The following CENPU variants were observed in gnomAD, a reference collection of about 807,000 sequenced individuals.
CENPU encodes the protein centromere protein U.
A neutral mutation model predicts 56.7 loss-of-function variants in CENPU; 46 were observed. The observed-to-expected ratio is 0.81, with a 90% CI of 0.64 to 1.04. The LOEUF is 1.04. Ranked by LOEUF, CENPU falls within the 50% of genes least tolerant of loss-of-function variation. The pLI is 0.00. For synonymous variants in CENPU, 166 were observed against 163.0 expected (o/e 1.02, Z -0.14); for missense variants, 510 against 490.1 (o/e 1.04, Z -0.38).
intron 2 of CENPU, among the ~76,000 whole-genome samples, chr4:184,730,381 G>A (rs1235713414): frequency 1.3e-5 from 2 of 151,812 alleles, no homozygotes; most frequent in Non-Finnish European, 2.9e-5. Flanking sequence ...AGAAAGCCCA[G>A]GGCAGAACAA....
chr4:184,700,827 G>A lies in CENPU; in HGVS notation c.979C>T (p.Leu327=). The A allele has an allele frequency of 2.5e-6, 4 of 1,613,608 alleles. No individual in the cohort carries two copies. The highest frequency in any genetic ancestry group is 1.1e-5 in the South Asian group (1 of 91,072). The change falls in exon 11 of 13, where the codon CTG becomes TTG. Residue 327 remains leucine (L), a synonymous_variant. Transcript: ENST00000281453. ...GATTTGACAGTATCTTACCGAAGCA[G>A]TTCATCCTGGACTTCAATCATACGC... The part of the protein sequence containing the change: ...RQRMIEVQDE[L]LRLEPQLKQL...
chr4:184,733,752 A>G (rs1472713036), intron 1 of CENPU, among the ~76,000 whole-genome samples: 2 of 151,646 alleles, frequency 1.3e-5, no homozygotes, highest in East Asian at 3.9e-4. Context: ...TTTGGACGGC[A>G]CTCCCCCTCC....
chr4:184,706,568 C>G (rs115724852), intron 8 of CENPU, among the ~76,000 whole-genome samples: 3,103 of 152,302 alleles, frequency 0.02, 57 homozygotes, highest in Middle Eastern at 0.037. Flanking sequence ...TACTTCCCTA[C>G]TTATACATAA....
intron 11 of CENPU, among the ~76,000 whole-genome samples, 158 bp downstream of exon 11, chr4:184,700,662 G>A (rs1320213615): frequency 6.6e-6 from 1 of 152,144 alleles, no homozygotes; most frequent in Non-Finnish European, 1.5e-5. Flanking sequence ...CAAAAGGTGG[G>A]GCAACTAAGC....
At chr4:184,727,452 C>T (rs916652360) in intron 3 of CENPU, among the ~76,000 whole-genome samples, 6 of 152,152 alleles carry the variant, frequency 3.9e-5, no homozygotes, top group African/African-American at 1.4e-4. Context: ...ACCACCCATA[C>T]CCCATACACA....
intron 4 of CENPU, among the ~76,000 whole-genome samples, chr4:184,720,404 A>C (rs1205050549): frequency 6.6e-6 from 1 of 152,184 alleles, no homozygotes; most frequent in Non-Finnish European, 1.5e-5. Flanking sequence ...AAGCTTCAAA[A>C]GGGCAAATCG....
At chr4:184,701,158 G>T (rs1419205635) in intron 10 of CENPU, among the ~76,000 whole-genome samples, 3 of 152,170 alleles carry the variant, frequency 2.0e-5, no homozygotes, top group Admixed American at 6.5e-5. Context: ...GTCTTTACTG[G>T]ACCCTGTGAC....
At chr4:184,710,594 T>C (rs1760889878) in intron 7 of CENPU, among the ~76,000 whole-genome samples, 1 of 152,186 alleles carries the variant, frequency 6.6e-6, no homozygotes, top group East Asian at 1.9e-4. Context: ...TAAATAATTG[T>C]AGTAATATAC....
At chr4:184,709,270 C>T (rs1004511485) in intron 8 of CENPU, among the ~76,000 whole-genome samples, 5 of 152,068 alleles carry the variant, frequency 3.3e-5, no homozygotes, top group Admixed American at 1.3e-4. Flanking sequence ...GGGCAGATCA[C>T]GAGATCAGGA....
chr4:184,733,720 C>G (rs1175194907), intron 1 of CENPU, among the ~76,000 whole-genome samples: 1 of 152,230 alleles, frequency 6.6e-6, no homozygotes. Context: ...TGCTTTCAAG[C>G]TAGCACTTTG....
intron 8 of CENPU, among the ~76,000 whole-genome samples, chr4:184,704,549 C>T (rs914130151): frequency 2.0e-5 from 3 of 151,312 alleles, no homozygotes; most frequent in Admixed American, 6.6e-5. Flanking sequence ...GTTCTCAGAA[C>T]ACATCCCCGT....
intron 4 of CENPU, among the ~76,000 whole-genome samples, chr4:184,723,986 C>T (rs745740363): frequency 2.6e-5 from 4 of 151,876 alleles, no homozygotes; most frequent in East Asian, 1.9e-4. Context: ...CAGTTTTGGC[C>T]GGGTGCAGTG....
intron 8 of CENPU, among the ~76,000 whole-genome samples, chr4:184,705,757 T>C (rs1339545922): frequency 1.3e-5 from 2 of 152,222 alleles, no homozygotes; most frequent in Non-Finnish European, 2.9e-5. Flanking sequence ...TGGTTATCTG[T>C]ATATACACAA....
intron 8 of CENPU, among the ~76,000 whole-genome samples, chr4:184,709,435 C>A (rs1340674086): frequency 1.3e-5 from 2 of 150,290 alleles, no homozygotes; most frequent in African/African-American, 4.9e-5. Flanking sequence ...TTCAGTGAGC[C>A]GAGATCTCTC....
intron 3 of CENPU, among the ~76,000 whole-genome samples, 187 bp downstream of exon 3, chr4:184,728,731 G>A (rs1301949458): frequency 6.6e-6 from 1 of 152,148 alleles, no homozygotes; most frequent in Non-Finnish European, 1.5e-5. Context: ...CTTTGATAAT[G>A]TTCTTAGTTT....
intron 11 of CENPU, among the ~76,000 whole-genome samples, chr4:184,699,206 T>G (rs973817634): frequency 2.6e-5 from 4 of 151,806 alleles, no homozygotes; most frequent in Non-Finnish European, 5.9e-5. Flanking sequence ...GGCAGGCGCC[T>G]GTAGTCCCAA....
rs1487191966 is a variant in CENPU, at chr4:184,713,202, C to T, written c.619-189G>A. ...GGTCAGGAGTTCCAGACCAGCCTGG[C>T]CAACATGGTGAAACCCCATCTCTAC... is the stretch of plus-strand genomic sequence containing the variant. On this transcript the variant is annotated intron_variant, in intron 6 of 12. Transcript: ENST00000281453. Among the ~76,000 whole-genome samples, 8 of 152,044 alleles carry T rather than the reference C, an allele frequency of 5.3e-5. 1 individual carries two copies. The highest frequency in any genetic ancestry group is 4.6e-4 in the Admixed American group (7 of 15,262).
At chr4:184,696,315 TTAA>T (rs1235552255) in intron 12 of CENPU, among the ~76,000 whole-genome samples, 1 of 152,192 alleles carries the variant, frequency 6.6e-6, no homozygotes, top group Admixed American at 6.5e-5. Context: ...ATATCTACAC[TTAA>T]TAAGGCAAAA....
intron 1 of CENPU, 80 bp from the exon 2 acceptor site, chr4:184,731,048 C>T (rs567315022): frequency 2.5e-5 from 22 of 881,450 alleles, no homozygotes; most frequent in African/African-American, 1.7e-4. Context: ...ACCCTTTCCG[C>T]GCATTTTTAC....
Sources: gnomAD v4.1 joint callset for allele counts (sites outside exome capture counted in the v4.1 genomes callset) on GRCh38, gnomAD v4.1.1 for gene constraint, MANE v1.5 for transcripts, NCBI Gene and HGNC (gene_info 2026-07-23, HGNC 2026-07-21) for gene names.